Variants in AFG2A observed in about 807,000 individuals in gnomAD.
AFG2A encodes ATPase family gene 2 protein homolog A.
At chr4:123,083,044 G>C in the AFG2A span, among the ~76,000 whole-genome samples, 1 of 152,070 alleles carries the variant, frequency 6.6e-6, no homozygotes, top group Admixed American at 6.6e-5. Flanking sequence ...ATTAGATTCA[G>C]GAGTGGTTTT....
At chr4:122,984,010 A>G in the AFG2A span, among the ~76,000 whole-genome samples, 1 of 152,176 alleles carries the variant, frequency 6.6e-6, no homozygotes, top group African/African-American at 2.4e-5. Context: ...CCTTCTTCTG[A>G]CAGAGCCTAC....
the AFG2A span, among the ~76,000 whole-genome samples, chr4:123,089,906 T>C: frequency 6.3e-3 from 958 of 152,258 alleles, 10 homozygotes; most frequent in African/African-American, 0.021. Flanking sequence ...TAAAAACTTA[T>C]ATTTAGTAAT....
At chr4:123,120,575 G>C in the AFG2A span, among the ~76,000 whole-genome samples, 1 of 152,158 alleles carries the variant, frequency 6.6e-6, no homozygotes, top group Middle Eastern at 3.2e-3. Flanking sequence ...ACAGTCATGT[G>C]CTGCGTAACC....
the AFG2A span, among the ~76,000 whole-genome samples, chr4:123,313,577 A>G: frequency 6.6e-6 from 1 of 152,218 alleles, no homozygotes; most frequent in Non-Finnish European, 1.5e-5. Context: ...ATGTGCGTGC[A>G]CAGCTACCTA....
the AFG2A span, among the ~76,000 whole-genome samples, chr4:123,271,677 G>A: frequency 6.6e-5 from 10 of 152,108 alleles, no homozygotes; most frequent in Non-Finnish European, 1.5e-4. Flanking sequence ...TTCTTCTTTG[G>A]TTTCTAGCTG....
At chr4:123,007,160 C>G in the AFG2A span, among the ~76,000 whole-genome samples, 1 of 151,726 alleles carries the variant, frequency 6.6e-6, no homozygotes, top group Non-Finnish European at 1.5e-5. Flanking sequence ...CAGTTTGATC[C>G]TTTTTAGTCT....
At chr4:123,258,434 GGT>G in the AFG2A span, among the ~76,000 whole-genome samples, 26 of 152,200 alleles carry the variant, frequency 1.7e-4, no homozygotes, top group African/African-American at 6.3e-4. Context: ...CCTTCTACAT[GGT>G]GTGTGTTTAA....
the AFG2A span, among the ~76,000 whole-genome samples, chr4:123,247,649 A>G: frequency 6.6e-6 from 1 of 152,026 alleles, no homozygotes; most frequent in Non-Finnish European, 1.5e-5. Flanking sequence ...GCTGGTCTCA[A>G]ATGCCTGAGC....
the AFG2A span, among the ~76,000 whole-genome samples, chr4:123,196,243 T>C: frequency 6.9e-6 from 1 of 144,122 alleles, no homozygotes; most frequent in African/African-American, 2.6e-5. Context: ...TATCCTGACC[T>C]CGTGATCCGC....
At chr4:122,942,535 TTAGTC>T in the AFG2A span, among the ~76,000 whole-genome samples, 1 of 152,154 alleles carries the variant, frequency 6.6e-6, no homozygotes, top group Non-Finnish European at 1.5e-5. Context: ...TTTTTCTTTA[TTAGTC>T]TTGCTAGCGG....
chr4:123,183,514 A>T, the AFG2A span, among the ~76,000 whole-genome samples: 1 of 152,190 alleles, frequency 6.6e-6, no homozygotes, highest in African/African-American at 2.4e-5. Context: ...GTGCATTATC[A>T]GCATTTTATT....
chr4:123,186,105 AAGT>A, the AFG2A span, among the ~76,000 whole-genome samples: 2 of 152,212 alleles, frequency 1.3e-5, no homozygotes, highest in South Asian at 4.1e-4. Flanking sequence ...TTTGGATCAT[AAGT>A]AGTTAATCTG....
the AFG2A span, among the ~76,000 whole-genome samples, chr4:123,044,121 GT>G: frequency 0.41 from 62,592 of 151,940 alleles, 15,640 homozygotes; most frequent in Non-Finnish European, 0.55. Context: ...GATCCCACTT[GT>G]TTACAGTTTT....
the AFG2A span, chr4:122,936,200 G>T: frequency 2.7e-6 from 4 of 1,503,924 alleles, no homozygotes; most frequent in Non-Finnish European, 3.6e-6. Flanking sequence ...AATCAAGGCT[G>T]TATTAGTCAA....
the AFG2A span, among the ~76,000 whole-genome samples, chr4:123,076,242 T>C: frequency 6.6e-6 from 1 of 152,022 alleles, no homozygotes; most frequent in Non-Finnish European, 1.5e-5. Flanking sequence ...CACTCCAGTC[T>C]GGGCGACAGT....
chr4:123,058,035 A>T, the AFG2A span, among the ~76,000 whole-genome samples: 1 of 152,226 alleles, frequency 6.6e-6, no homozygotes, highest in Non-Finnish European at 1.5e-5. Flanking sequence ...AGTAAGTGTG[A>T]TATGAAACAT....
chr4:123,109,604 T>C, the AFG2A span, among the ~76,000 whole-genome samples: 3 of 152,172 alleles, frequency 2.0e-5, no homozygotes, highest in Non-Finnish European at 4.4e-5. Flanking sequence ...TCTGACACTG[T>C]AGGTGCTCCA....
the AFG2A span, among the ~76,000 whole-genome samples, chr4:123,107,030 C>T: frequency 6.6e-6 from 1 of 152,126 alleles, no homozygotes; most frequent in Admixed American, 6.5e-5. Flanking sequence ...CACACATCTT[C>T]CACTCTGTGC....
At chr4:123,304,265 C>A in the AFG2A span, among the ~76,000 whole-genome samples, 1 of 152,172 alleles carries the variant, frequency 6.6e-6, no homozygotes, top group Non-Finnish European at 1.5e-5. Context: ...GCCATTCAAG[C>A]ACCTTTCATC....
Sources: gnomAD v4.1 joint callset for allele counts (sites outside exome capture counted in the v4.1 genomes callset) on GRCh38, gnomAD v4.1.1 for gene constraint, MANE v1.5 for transcripts, NCBI Gene and HGNC (gene_info 2026-07-23, HGNC 2026-07-21) for gene names.